The following MICB variants were observed in gnomAD, a reference collection of about 807,000 sequenced individuals.
MICB encodes MHC class I polypeptide-related sequence B, also known as MHC class I antigen-related protein B.
MICB carries 27 observed loss-of-function variants against 34.3 expected under a neutral mutation model. The observed-to-expected ratio is 0.79, with a 90% CI of 0.58 to 1.08. The LOEUF (loss-of-function observed/expected upper bound fraction) is 1.08, where lower values mean the gene tolerates loss of function less well. MICB is among the 50% of genes least tolerant of loss of function. The probability of loss-of-function intolerance (pLI) is 0.00; values close to 1 mark genes in which losing one functional copy is unlikely to be tolerated. For missense variants in MICB, 426 were observed against 483.1 expected (o/e 0.88, Z 1.11); for synonymous variants, 153 against 187.4 (o/e 0.82, Z 1.50).
upstream of MICB, among the ~76,000 whole-genome samples, chr6:31,495,151 A>T (rs2534682): frequency 0.15 from 22,472 of 151,606 alleles, 1,874 homozygotes; most frequent in Admixed American, 0.24. Context: ...GGAGCTCAAG[A>T]CCTTCTTGGC....
At chr6:31,496,411 G>A (rs113013684), upstream of MICB, among the ~76,000 whole-genome samples, 3,887 of 134,270 alleles carry the variant, frequency 0.029, 125 homozygotes, top group South Asian at 0.14. Context: ...CTGTTGCCCA[G>A]GCTGGAGTGC....
At chr6:31,506,968 G>C in intron 3 of MICB, 54 bp from the exon 4 acceptor site, 1 of 1,577,752 alleles carries the variant, frequency 6.3e-7, no homozygotes, top group Non-Finnish European at 8.6e-7. Context: ...CCTGTTCCCT[G>C]CATCTCCCTT....
At position 31,510,052 on chromosome 6, in the gene MICB, G is replaced by A. The variant is rs1765584935; in HGVS notation, c.*143G>A. 5.4e-6 allele frequency: 5 copies of A among 928,742 alleles called. No individual in the cohort carries two copies. The South Asian group carries it at 1.1e-4, about 20-fold the overall frequency. The allele number at this position is 928,742 out of a possible 1,614,324, so 57.5% of individuals were successfully genotyped here. On this transcript the variant is annotated 3_prime_UTR_variant, in exon 6 of 6. Transcript: ENST00000252229. ...GCTGCAAAGTGTTAGTAGGTATGAG[G>A]TGTTTGCTGCTCTGCCACGTAGAGA...
chr6:31,505,046 A>C (rs4713471), intron 1 of MICB, among the ~76,000 whole-genome samples: 1 of 150,608 alleles, frequency 6.6e-6, no homozygotes, highest in East Asian at 1.9e-4. Flanking sequence ...AGCCCACATC[A>C]TTGCTCCCCT....
chr6:31,505,990 C>T (rs1180682366), intron 2 of MICB, 119 bp downstream of exon 2: 8 of 1,477,520 alleles, frequency 5.4e-6, no homozygotes, highest in Non-Finnish European at 7.2e-6. Flanking sequence ...GGAATAGGGT[C>T]AGGGAGGCTC....
intron 1 of MICB, among the ~76,000 whole-genome samples, chr6:31,500,582 G>T (rs146420414): frequency 2.0e-5 from 3 of 151,698 alleles, no homozygotes; most frequent in Non-Finnish European, 2.9e-5. Flanking sequence ...TTAACCATCC[G>T]CACTCCCCCA....
rs1461268732 is a variant in MICB, at chr6:31,506,954, C to A, written c.614-68C>A. The A allele has an allele frequency of 1.7e-5, 26 of 1,564,578 alleles. No individual in the cohort carries two copies. In the South Asian group the frequency reaches 2.7e-4, roughly 16 times the overall value. On this transcript the variant is annotated intron_variant, in intron 3 of 5. Transcript: ENST00000252229. The stretch of plus-strand genomic sequence containing the variant: ...CCAGAGTGAGAACAGTGGAGAGGAG[C>A]AGCCCTGTTCCCTGCATCTCCCTTA...
upstream of MICB, among the ~76,000 whole-genome samples, chr6:31,496,946 G>A (rs1180653883): frequency 6.6e-6 from 1 of 152,164 alleles, no homozygotes; most frequent in African/African-American, 2.4e-5. Flanking sequence ...CTGGGGAAAT[G>A]TCACCAGAGA....
chr6:31,502,165 G>T (rs1049584165), intron 1 of MICB, among the ~76,000 whole-genome samples: 1 of 151,980 alleles, frequency 6.6e-6, no homozygotes, highest in Admixed American at 6.6e-5. Flanking sequence ...GGGAAACCCC[G>T]CCTCTACTAA....
intron 3 of MICB, 111 bp from the exon 4 acceptor site, chr6:31,506,911 T>G (rs3093953): frequency 0.79 from 1,182,447 of 1,503,272 alleles, 467,335 homozygotes; most frequent in East Asian, 0.9. Context: ...GAAGGTCCGG[T>G]ATCTGTGAGG....
At chr6:31,499,301 C>T (rs1420692718) in intron 1 of MICB, among the ~76,000 whole-genome samples, 3 of 152,076 alleles carry the variant, frequency 2.0e-5, no homozygotes, top group African/African-American at 7.2e-5. Context: ...CCTCTCACCT[C>T]CTCCCTGCCC....
Position 31,506,299 on chromosome 6 carries a change from T to C in MICB, c.482T>C (p.Leu161Ser). 1 of 1,614,178 alleles carries C rather than the reference T, an allele frequency of 6.2e-7. No individual in the cohort carries two copies. Among genetic ancestry groups the C allele is most frequent in the Non-Finnish European group, 8.5e-7 (1 of 1,180,024 alleles). ...TVPQSSRAQT[L>S]AMNVTNFWKE... ...CCCCAGTCCTCCAGAGCTCAGACCT[T>C]GGCTATGAACGTCACAAATTTCTGG... The change falls in exon 3 of 6, where the codon TTG becomes TCG. Residue 161 changes from leucine to serine, a missense_variant. Physicochemically the swap from Leu to Ser is moderately radical, Grantham distance 145 (BLOSUM62 -2). Transcript: ENST00000252229.
chr6:31,498,028 C>A, upstream of MICB: 9 of 407,252 alleles, frequency 2.2e-5, no homozygotes, highest in Middle Eastern at 1.6e-3. Context: ...CTGAACGTGG[C>A]CCCGCCCTCT....
intron 1 of MICB, chr6:31,498,527 G>A: frequency 5.5e-6 from 1 of 180,948 alleles, no homozygotes; most frequent in South Asian, 6.3e-5. Flanking sequence ...TAGTGCAGTG[G>A]CGCGATCTTG....
intron 1 of MICB, among the ~76,000 whole-genome samples, chr6:31,503,112 T>G (rs1233318838): frequency 6.6e-6 from 1 of 152,238 alleles, no homozygotes; most frequent in Non-Finnish European, 1.5e-5. Context: ...TTTAATATAC[T>G]GTTGAATGTG....
chr6:31,508,641 G>T (rs1357816476), intron 5 of MICB, among the ~76,000 whole-genome samples: 1 of 152,220 alleles, frequency 6.6e-6, no homozygotes, highest in Non-Finnish European at 1.5e-5. Context: ...CCCGTGGAGG[G>T]ATTGTCACTT....
chr6:31,507,599 T>C lies in MICB; in HGVS notation c.1024+68T>C. Reference sequence around the variant, plus strand: ...CTAGGCAGTAGGGTCTCCTCATTGCTCCTGCCCAGACAAGACGTAGGTGAC... The same window carrying C: ...CTAGGCAGTAGGGTCTCCTCATTGCCCCTGCCCAGACAAGACGTAGGTGAC... On this transcript the variant is annotated intron_variant, in intron 5 of 5. Coordinates refer to ENST00000252229, the MANE Select transcript of MICB (RefSeq NM_005931.5). The surrounding 1 kb of genome is among the most constrained non-coding windows in gnomAD (Gnocchi z 6.0). The C allele has an allele frequency of 1.3e-6, 2 of 1,588,218 alleles. No individual in the cohort carries two copies. The highest frequency in any genetic ancestry group is 1.7e-5 in the Admixed American group (1 of 58,714).
chr6:31,499,681 G>A (rs1175756112), intron 1 of MICB, among the ~76,000 whole-genome samples: 1 of 151,914 alleles, frequency 6.6e-6, no homozygotes, highest in African/African-American at 2.4e-5. Flanking sequence ...TGCCTGCTCT[G>A]GGCCCTGCCT....
In MICB at chr6:31,510,939, A is replaced by C. The variant is rs1342578369; in HGVS notation, c.*1030A>C. The C allele has an allele frequency of 6.6e-6, 1 of 152,102 alleles. No homozygotes were observed. The highest frequency in any genetic ancestry group is 1.5e-5 in the Non-Finnish European group (1 of 68,016). 9.4% of individuals were successfully genotyped at this position (152,102 alleles called of 1,614,324 possible). ...ATATATTTTAATATATTACATGTGC[A>C]GTAATTAGATTATCATGGGTGAACT... On this transcript the variant is annotated 3_prime_UTR_variant, in exon 6 of 6. Transcript: ENST00000252229.
Sources: allele counts gnomAD v4.1 joint callset (sites outside exome capture counted in the v4.1 genomes callset), GRCh38; gene constraint gnomAD v4.1.1; non-coding constraint Gnocchi (gnomAD v3.1); transcripts MANE v1.5; gene names NCBI Gene and HGNC (gene_info 2026-07-23, HGNC 2026-07-21).